Variants in ERG observed in about 807,000 individuals in gnomAD.
ERG encodes the protein transcriptional regulator ERG.
Under a neutral mutation model 55.3 loss-of-function variants are expected in ERG, and 9 were observed. The observed-to-expected ratio is 0.16, with a 90% CI of 0.10 to 0.28. ERG has a LOEUF of 0.28. Among genes scored for constraint, ERG ranks in the 10% least tolerant of loss-of-function variants. ERG has a pLI of 1.00. For missense variants in ERG, 434 were observed against 631.6 expected (o/e 0.69, Z 3.35); for synonymous variants, 223 against 237.3 (o/e 0.94, Z 0.55).
intron 3 of ERG, among the ~76,000 whole-genome samples, chr21:38,422,308 G>A (rs1335864181): frequency 6.6e-6 from 1 of 152,256 alleles, no homozygotes; most frequent in African/African-American, 2.4e-5. Flanking sequence ...AGTAACAGGA[G>A]GGAACCCACA....
intron 8 of ERG, 150 bp from the exon 9 acceptor site, chr21:38,391,192 A>G (rs1305039345): frequency 1.6e-5 from 11 of 677,730 alleles, no homozygotes; most frequent in Admixed American, 1.0e-4. Context: ...CACCTCCTCT[A>G]TGAGAGAAGA....
At chr21:38,550,306 G>C (rs981026516) in intron 2 of ERG, among the ~76,000 whole-genome samples, 1 of 152,114 alleles carries the variant, frequency 6.6e-6, no homozygotes, top group Non-Finnish European at 1.5e-5. Flanking sequence ...GAGGGTCCTG[G>C]AGTAATAGAT....
At chr21:38,511,241 C>A (rs1311802060) in intron 2 of ERG, among the ~76,000 whole-genome samples, 1 of 152,198 alleles carries the variant, frequency 6.6e-6, no homozygotes, top group Non-Finnish European at 1.5e-5. Flanking sequence ...TTTGAACATT[C>A]AATCAATATT....
intron 1 of ERG, among the ~76,000 whole-genome samples, chr21:38,486,509 A>G (rs1025324812): frequency 2.3e-4 from 35 of 152,230 alleles, no homozygotes; most frequent in African/African-American, 8.4e-4. Context: ...GTGTAGGGAA[A>G]TACTTTCACC....
upstream of ERG, among the ~76,000 whole-genome samples, chr21:38,502,028 T>G (rs2059424889): frequency 1.3e-5 from 2 of 152,144 alleles, no homozygotes; most frequent in African/African-American, 4.8e-5. Context: ...GGGAGGAAGG[T>G]TAGGAGCTAA....
At chr21:38,659,404 T>TA in intron 1 of ERG, among the ~76,000 whole-genome samples, 1 of 152,372 alleles carries the variant, frequency 6.6e-6, no homozygotes, top group African/African-American at 2.4e-5. Context: ...GGATGAAGGC[T>TA]ATGAGCTCTG....
Position 38,381,097 on chromosome 21 carries a change from G to T in ERG, c.*2306C>A, listed in dbSNP as rs1400978394. The T allele has an allele frequency of 8.5e-6, 9 of 1,064,788 alleles. No homozygotes were observed. The East Asian group carries it at 4.5e-4, about 53-fold the overall frequency. The allele number at this position is 1,064,788 out of a possible 1,614,324, so 66.0% of individuals were successfully genotyped here. ...GGCTCCGTCTAATCCAAATGACACG[G>T]GGTGTCAGGAGCATTGGTAATCGTG... On this transcript the variant is annotated 3_prime_UTR_variant, in exon 10 of 10. Transcript: ENST00000288319.
intron 1 of ERG, among the ~76,000 whole-genome samples, chr21:38,612,674 T>C (rs1471502679): frequency 6.6e-6 from 1 of 151,254 alleles, no homozygotes; most frequent in East Asian, 1.9e-4. Context: ...TTTTTTTTTT[T>C]TTTTTTGGAG....
chr21:38,427,725 T>C (rs1281244059), intron 2 of ERG, among the ~76,000 whole-genome samples: 1 of 152,110 alleles, frequency 6.6e-6, no homozygotes, highest in African/African-American at 2.4e-5. Flanking sequence ...ACTACTCTGG[T>C]TTAAGGTGTA....
chr21:38,482,641 A>C (rs534919196), intron 1 of ERG, among the ~76,000 whole-genome samples: 2 of 152,300 alleles, frequency 1.3e-5, no homozygotes, highest in South Asian at 2.1e-4. Context: ...TGAATACATA[A>C]AATAAATTGT....
upstream of ERG, among the ~76,000 whole-genome samples, chr21:38,585,532 C>CTTTTTTTTTTTTTTTTTTTTTTTTTTTTT (rs760791568): frequency 1.2e-4 from 7 of 59,282 alleles, 2 homozygotes; most frequent in South Asian, 2.6e-3. Flanking sequence ...TCTCTCTCTT[C>CTTTTTTTTTTTTTTTTTTTTTTTTTTTTT]TTTTTTTTTT....
upstream of ERG, among the ~76,000 whole-genome samples, chr21:38,585,532 C>CTTCTTTTTTTTTTTTTT (rs777496862): frequency 1.7e-5 from 1 of 59,270 alleles, no homozygotes; most frequent in East Asian, 6.4e-4. Context: ...TCTCTCTCTT[C>CTTCTTTTTTTTTTTTTT]TTTTTTTTTT....
chr21:38,427,216 A>G (rs1454814540), intron 2 of ERG, among the ~76,000 whole-genome samples: 1 of 152,052 alleles, frequency 6.6e-6, no homozygotes, highest in East Asian at 1.9e-4. Context: ...CTGGCATTAC[A>G]GGCGCCTGCC....
intron 3 of ERG, among the ~76,000 whole-genome samples, chr21:38,417,851 G>A (rs1423050560): frequency 1.3e-5 from 2 of 152,022 alleles, no homozygotes; most frequent in Non-Finnish European, 2.9e-5. Flanking sequence ...CTTTCAAAAT[G>A]CTATAAGCTG....
At chr21:38,551,782 G>A (rs746412395) in intron 2 of ERG, among the ~76,000 whole-genome samples, 4 of 152,144 alleles carry the variant, frequency 2.6e-5, no homozygotes, top group Admixed American at 6.6e-5. Context: ...TTTGAAGTAT[G>A]TGCCACGTGT....
At chr21:38,543,624 C>T (rs2059769196) in intron 2 of ERG, among the ~76,000 whole-genome samples, 1 of 151,930 alleles carries the variant, frequency 6.6e-6, no homozygotes, top group Non-Finnish European at 1.5e-5. Context: ...TGTGGAGTTC[C>T]CTTCTCATTG....
chr21:38,457,041 G>A (rs2058996388), intron 1 of ERG, among the ~76,000 whole-genome samples: 1 of 152,200 alleles, frequency 6.6e-6, no homozygotes, highest in South Asian at 2.1e-4. Flanking sequence ...TTTGAACTAG[G>A]AGAGCAATCC....
intron 1 of ERG, among the ~76,000 whole-genome samples, chr21:38,449,780 A>G (rs184638712): frequency 1.3e-5 from 2 of 152,332 alleles, no homozygotes; most frequent in Admixed American, 1.3e-4. Flanking sequence ...TCATAAAAAT[A>G]TTACATTGTT....
At chr21:38,478,845 G>A (rs1435097640) in intron 1 of ERG, among the ~76,000 whole-genome samples, 2 of 152,180 alleles carry the variant, frequency 1.3e-5, no homozygotes, top group Non-Finnish European at 2.9e-5. Context: ...ACAGCCACAT[G>A]AATCATTTTT....
Sources: gnomAD v4.1 joint callset for allele counts (sites outside exome capture counted in the v4.1 genomes callset) on GRCh38, gnomAD v4.1.1 for gene constraint, MANE v1.5 for transcripts, NCBI Gene and HGNC (gene_info 2026-07-23, HGNC 2026-07-21) for gene names.